The following PJA2 variants were observed in gnomAD, a reference collection of about 807,000 sequenced individuals.
PJA2 encodes praja ring finger ubiquitin ligase 2.
In PJA2, 25 loss-of-function variants were observed where a neutral mutation model predicts 69.3. The observed-to-expected ratio is 0.36, with a 90% CI of 0.26 to 0.50. The LOEUF (loss-of-function observed/expected upper bound fraction) is 0.50, where lower values mean the gene tolerates loss of function less well. Among genes scored for constraint, PJA2 ranks in the 20% least tolerant of loss-of-function variants. The pLI, the probability that PJA2 is intolerant of heterozygous loss-of-function variation, is 0.96. For missense variants in PJA2, 809 were observed against 830.2 expected, an observed-to-expected ratio of 0.97 and a Z score of 0.31; for synonymous variants, 308 against 277.8, an observed-to-expected ratio of 1.11 and a Z score of -1.08.
At chr5:109,385,497 G>A (rs148196888) in intron 1 of PJA2, among the ~76,000 whole-genome samples, 10 of 152,300 alleles carry the variant, frequency 6.6e-5, no homozygotes, top group Admixed American at 1.3e-4. Flanking sequence ...CAGATTTGAA[G>A]AAAATATATT....
intron 1 of PJA2, among the ~76,000 whole-genome samples, chr5:109,401,877 C>T (rs961291395): frequency 6.6e-6 from 1 of 152,082 alleles, no homozygotes; most frequent in African/African-American, 2.4e-5. Context: ...CCATACTAGA[C>T]AGCACAGGAA....
At chr5:109,365,243 G>GT (rs1762566170) in intron 5 of PJA2, among the ~76,000 whole-genome samples, 1 of 152,326 alleles carries the variant, frequency 6.6e-6, no homozygotes, top group Middle Eastern at 3.4e-3. Flanking sequence ...GTAGTATACA[G>GT]TAAGTTCTGA....
At position 109,370,910 on chromosome 5, in the gene PJA2, C is replaced by T. The variant is rs570278236; in HGVS notation, c.1284-2164G>A. On this transcript the variant is annotated intron_variant, in intron 4 of 9. Coordinates refer to ENST00000361189, the MANE Select transcript of PJA2 (RefSeq NM_014819.5). ...AAGAGATAACATTAAAAAGTCCTCA[C>T]TTTTCCATATTAATCAAATAACTCA... Among the ~76,000 whole-genome samples the T allele has an allele frequency of 5.3e-5, 8 of 152,252 alleles. No individual in the cohort carries two copies. The East Asian group carries it at 1.5e-3, about 29-fold the overall frequency.
At chr5:109,401,226 G>GT (rs562631224) in intron 1 of PJA2, among the ~76,000 whole-genome samples, 147 of 152,248 alleles carry the variant, frequency 9.7e-4, no homozygotes, top group Middle Eastern at 3.4e-3. Context: ...AGAGGTTGCA[G>GT]TGAGCTGAGA....
At chr5:109,393,986 C>CA (rs1163225418) in intron 1 of PJA2, among the ~76,000 whole-genome samples, 1 of 138,692 alleles carries the variant, frequency 7.2e-6, no homozygotes, top group Non-Finnish European at 1.6e-5. Flanking sequence ...ATGCTGAAGA[C>CA]AAAAAGAATA....
chr5:109,352,176 T>C (rs765863545), intron 7 of PJA2, among the ~76,000 whole-genome samples: 34 of 152,174 alleles, frequency 2.2e-4, no homozygotes, highest in Non-Finnish European at 3.7e-4. Context: ...GACTGCAAGC[T>C]CTTGCTTGCC....
chr5:109,386,830 T>C (rs1747169629), intron 1 of PJA2, among the ~76,000 whole-genome samples: 1 of 151,476 alleles, frequency 6.6e-6, no homozygotes, highest in Admixed American at 6.6e-5. Context: ...TACCTATTTA[T>C]CCTCATTTTG....
chr5:109,352,165 A>C (rs1762264971), intron 7 of PJA2, among the ~76,000 whole-genome samples: 1 of 152,184 alleles, frequency 6.6e-6, no homozygotes, highest in African/African-American at 2.4e-5. Context: ...ACAATGTTTG[A>C]GACTGCAAGC....
chr5:109,338,636 CAAAAAAA>C (rs11336749), intron 9 of PJA2, among the ~76,000 whole-genome samples: 178 of 62,448 alleles, frequency 2.9e-3, no homozygotes, highest in Non-Finnish European at 4.7e-3. Flanking sequence ...AACTCCGTCT[CAAAAAAA>C]AAAAAAAAAA....
intron 2 of PJA2, 27 bp downstream of exon 2, chr5:109,383,376 C>T (rs111328299): frequency 3.7e-6 from 6 of 1,609,362 alleles, no homozygotes; most frequent in Non-Finnish European, 5.1e-6. Flanking sequence ...AAGAAGTACT[C>T]AATGTAGAAG....
intron 7 of PJA2, among the ~76,000 whole-genome samples, chr5:109,354,493 TAATATCATA>T (rs1561346481): frequency 2.3e-4 from 27 of 116,232 alleles, no homozygotes; most frequent in African/African-American, 6.5e-4. Flanking sequence ...TAGATATCTA[TAATATCATA>T]GATATCTATA....
At chr5:109,394,855 A>C (rs1484449267) in intron 1 of PJA2, among the ~76,000 whole-genome samples, 2 of 152,216 alleles carry the variant, frequency 1.3e-5, no homozygotes, top group Non-Finnish European at 2.9e-5. Flanking sequence ...GGCAGATAAA[A>C]ATTTTTTTTT....
In PJA2 at chr5:109,354,055, TATG is replaced by T. The variant is rs762854347; in HGVS notation, c.1764+1857_1764+1859del. ...TAGAGATATCTATAGATTAGATATC[TATG>T]ATATCTAGAGATATCTATAGATTAG... On this transcript the variant is annotated intron_variant, in intron 7 of 9. Transcript: ENST00000361189. Among the ~76,000 whole-genome samples, 358 of 124,900 alleles carry T rather than the reference TATG, an allele frequency of 2.9e-3. 5 individuals carry two copies. The highest frequency in any genetic ancestry group is 4.8e-3 in the African/African-American group (148 of 31,114). The allele number at this position is 124,900 out of a possible 152,430, so 81.9% of individuals were successfully genotyped here. A position where few individuals can be genotyped will look rare whatever the true frequency, so the allele number is the denominator to read the frequency against.
intron 6 of PJA2, among the ~76,000 whole-genome samples, chr5:109,358,848 A>T (rs1762464899): frequency 6.6e-6 from 1 of 152,142 alleles, no homozygotes. Context: ...AAAAACAAAA[A>T]ATTGTTTCAG....
chr5:109,337,444 CTAA>C (rs1361683980), intron 9 of PJA2, 88 bp from the exon 10 acceptor site: 23 of 1,407,266 alleles, frequency 1.6e-5, no homozygotes, highest in African/African-American at 4.4e-5. Context: ...TGTCATTATC[CTAA>C]TAATAAGACT....
intron 5 of PJA2, among the ~76,000 whole-genome samples, chr5:109,365,925 A>T (rs1762579458): frequency 6.6e-6 from 1 of 152,216 alleles, no homozygotes; most frequent in Non-Finnish European, 1.5e-5. Context: ...CTCAATTTCA[A>T]CCAAAGTACA....
At chr5:109,406,275 C>T (rs557448714) in intron 1 of PJA2, among the ~76,000 whole-genome samples, 3 of 152,222 alleles carry the variant, frequency 2.0e-5, no homozygotes, top group African/African-American at 7.2e-5. Flanking sequence ...CTCCTGACCT[C>T]GTGATCCGCC....
intron 1 of PJA2, among the ~76,000 whole-genome samples, chr5:109,406,354 T>C (rs1312210753): frequency 6.6e-6 from 1 of 152,172 alleles, no homozygotes; most frequent in Non-Finnish European, 1.5e-5. Context: ...CATTGTTGTT[T>C]GTTTGTTTTT....
intron 5 of PJA2, among the ~76,000 whole-genome samples, chr5:109,364,617 TG>T (rs1762556801): frequency 7.5e-6 from 1 of 133,394 alleles, no homozygotes; most frequent in Non-Finnish European, 1.7e-5. Flanking sequence ...AGCGAGACTC[TG>T]TCTCAAAAAA....
Sources: gnomAD v4.1 joint callset for allele counts (sites outside exome capture counted in the v4.1 genomes callset) on GRCh38, gnomAD v4.1.1 for gene constraint, MANE v1.5 for transcripts, NCBI Gene and HGNC (gene_info 2026-07-23, HGNC 2026-07-21) for gene names.